WDR70: variants seen among roughly 807,000 people sequenced by gnomAD.
WDR70 encodes WD repeat domain 70.
In WDR70, 53 loss-of-function variants were observed where a neutral mutation model predicts 88.6. The observed-to-expected ratio is 0.60, with a 90% CI of 0.48 to 0.75. WDR70 has a LOEUF of 0.75. Ranked by LOEUF, WDR70 falls within the 30% of genes least tolerant of loss-of-function variation. The probability of loss-of-function intolerance (pLI) is 0.00; values close to 1 mark genes in which losing one functional copy is unlikely to be tolerated. For synonymous variants in WDR70, 280 were observed against 270.0 expected (o/e 1.04, Z -0.36); for missense variants, 610 against 823.2 (o/e 0.74, Z 3.17).
At position 37,580,153 on chromosome 5, in the gene WDR70, T is replaced by A. The variant is rs1743178325; in HGVS notation, c.918-24911T>A. ...AATTTTATCTATTTAATGAATTCACTTAATTTTTATTCACTGTTCTGTTTT... is the reference window on the plus strand; with the variant it reads ...AATTTTATCTATTTAATGAATTCACATAATTTTTATTCACTGTTCTGTTTT... On this transcript the variant is annotated intron_variant, in intron 9 of 17. Transcript: ENST00000265107. Among the ~76,000 whole-genome samples, 4 of 152,360 alleles carry A rather than the reference T, an allele frequency of 2.6e-5. No individual in the cohort carries two copies. In the South Asian group the frequency reaches 8.3e-4, roughly 32 times the overall value.
At chr5:37,718,855 C>T (rs1022776885) in intron 13 of WDR70, among the ~76,000 whole-genome samples, 6 of 152,132 alleles carry the variant, frequency 3.9e-5, no homozygotes, top group African/African-American at 1.4e-4. Flanking sequence ...TGACTGAGAT[C>T]TTTGCCCATG....
intron 9 of WDR70, among the ~76,000 whole-genome samples, chr5:37,528,653 G>A (rs1036402099): frequency 1.3e-5 from 2 of 152,002 alleles, no homozygotes; most frequent in African/African-American, 4.8e-5. Context: ...AATGTTTTTA[G>A]CCTACTTTTT....
intron 10 of WDR70, among the ~76,000 whole-genome samples, chr5:37,644,010 C>G (rs925491819): frequency 6.6e-6 from 1 of 151,892 alleles, no homozygotes; most frequent in South Asian, 2.1e-4. Context: ...AGTTAGACTT[C>G]CAGTATTACA....
At chr5:37,410,193 GTTTTTTTTTTT>G (rs952637754) in intron 5 of WDR70, among the ~76,000 whole-genome samples, 3 of 119,456 alleles carry the variant, frequency 2.5e-5, no homozygotes, top group African/African-American at 6.2e-5. Context: ...GAGTTTGTTA[GTTTTTTTTTTT>G]TTTTTTTTTT....
chr5:37,586,545 G>A (rs951569124), intron 9 of WDR70, among the ~76,000 whole-genome samples: 2 of 151,966 alleles, frequency 1.3e-5, no homozygotes, highest in Non-Finnish European at 2.9e-5. Context: ...TTCTCCTAAT[G>A]CTCTCCCTCC....
At chr5:37,604,291 A>G (rs1449932944) in intron 9 of WDR70, among the ~76,000 whole-genome samples, 1 of 152,350 alleles carries the variant, frequency 6.6e-6, no homozygotes, top group East Asian at 1.9e-4. Context: ...TATTAGATTG[A>G]CAATTAGTTT....
At chr5:37,453,968 A>G (rs1738753505) in intron 7 of WDR70, among the ~76,000 whole-genome samples, 1 of 152,224 alleles carries the variant, frequency 6.6e-6, no homozygotes, top group South Asian at 2.1e-4. Context: ...TAGAATGATC[A>G]GAAATGATGT....
chr5:37,479,815 T>C lies in WDR70; in HGVS notation c.687-19T>C. Reference sequence around the variant, plus strand: ...ATTGTGCTTAGTATCTTACCAACTTTCCTTTTCTTTTCGTACAGCCATCAG... The same window carrying C: ...ATTGTGCTTAGTATCTTACCAACTTCCCTTTTCTTTTCGTACAGCCATCAG... On this transcript the variant is annotated intron_variant, in intron 7 of 17. Transcript: ENST00000265107. The C allele has an allele frequency of 1.2e-6, 2 of 1,600,870 alleles. No homozygotes were observed. Among genetic ancestry groups the C allele is most frequent in the Middle Eastern group, 1.7e-4 (1 of 5,982 alleles).
intron 7 of WDR70, among the ~76,000 whole-genome samples, chr5:37,463,083 C>G (rs1254588204): frequency 1.3e-5 from 2 of 152,004 alleles, no homozygotes; most frequent in Non-Finnish European, 2.9e-5. Flanking sequence ...ACCAGCCTGA[C>G]CAACATGGCG....
At chr5:37,613,428 A>C (rs577068965) in intron 10 of WDR70, among the ~76,000 whole-genome samples, 1 of 152,174 alleles carries the variant, frequency 6.6e-6, no homozygotes, top group Non-Finnish European at 1.5e-5. Flanking sequence ...ATGGTAACTG[A>C]CTTAGCCACC....
chr5:37,494,165 T>G (rs1740148314), intron 8 of WDR70, among the ~76,000 whole-genome samples: 1 of 152,190 alleles, frequency 6.6e-6, no homozygotes, highest in Non-Finnish European at 1.5e-5. Context: ...TGAGCTCATA[T>G]GCAGCTGTAT....
intron 17 of WDR70, among the ~76,000 whole-genome samples, chr5:37,735,710 G>A (rs1356443769): frequency 1.3e-5 from 2 of 152,150 alleles, no homozygotes; most frequent in Non-Finnish European, 2.9e-5. Flanking sequence ...GTATTTGAAA[G>A]GAAGCTAATA....
At chr5:37,394,362 T>C (rs1291680035) in intron 4 of WDR70, among the ~76,000 whole-genome samples, 3 of 152,206 alleles carry the variant, frequency 2.0e-5, no homozygotes, top group African/African-American at 4.8e-5. Flanking sequence ...GGGGAAAATT[T>C]TGGAGTATGA....
At chr5:37,429,740 C>T (rs531952646) in intron 5 of WDR70, among the ~76,000 whole-genome samples, 1 of 152,342 alleles carries the variant, frequency 6.6e-6, no homozygotes, top group East Asian at 1.9e-4. Context: ...AGCTCAGTTA[C>T]TGTCTTAGTT....
chr5:37,390,705 A>G (rs1375770374), intron 3 of WDR70, among the ~76,000 whole-genome samples: 1 of 147,728 alleles, frequency 6.8e-6, no homozygotes, highest in African/African-American at 2.6e-5. Flanking sequence ...GGAAATTCAG[A>G]AAAAAAGTGC....
chr5:37,634,687 G>A (rs111370364), intron 10 of WDR70, among the ~76,000 whole-genome samples: 36 of 152,318 alleles, frequency 2.4e-4, no homozygotes, highest in African/African-American at 7.5e-4. Context: ...TGAGAATGGA[G>A]AACAGAGTGT....
chr5:37,692,774 A>T (rs1746843462), intron 10 of WDR70, among the ~76,000 whole-genome samples: 1 of 152,202 alleles, frequency 6.6e-6, no homozygotes. Context: ...GAATGGGCAA[A>T]AACTGGAAGC....
chr5:37,658,900 T>C (rs1320673676), intron 10 of WDR70, among the ~76,000 whole-genome samples: 3 of 152,246 alleles, frequency 2.0e-5, no homozygotes, highest in African/African-American at 7.2e-5. Flanking sequence ...TTTCAATGTT[T>C]GTCTTCCTAG....
At chr5:37,510,119 T>C (rs1044940396) in intron 8 of WDR70, among the ~76,000 whole-genome samples, 1 of 151,966 alleles carries the variant, frequency 6.6e-6, no homozygotes, top group African/African-American at 2.4e-5. Flanking sequence ...TTTATTTTGG[T>C]ATAATTTTAA....
Sources: gnomAD v4.1 joint callset for allele counts (sites outside exome capture counted in the v4.1 genomes callset) on GRCh38, gnomAD v4.1.1 for gene constraint, MANE v1.5 for transcripts, NCBI Gene and HGNC (gene_info 2026-07-23, HGNC 2026-07-21) for gene names.